Variants in HEMK2 observed in about 807,000 individuals in gnomAD.
The protein encoded by HEMK2 is HemK methyltransferase 2, ETF1 glutamine and histone H4 lysine, also known as methyltransferase HEMK2.
the HEMK2 span, among the ~76,000 whole-genome samples, chr21:28,590,266 A>C: frequency 2.3e-4 from 35 of 152,222 alleles, no homozygotes; most frequent in Admixed American, 2.2e-3. Flanking sequence ...CACAAAGTCA[A>C]GCTGTTGAAG....
At chr21:28,801,675 A>C in the HEMK2 span, among the ~76,000 whole-genome samples, 2 of 152,186 alleles carry the variant, frequency 1.3e-5, no homozygotes, top group African/African-American at 4.8e-5. Context: ...AAAGGATATA[A>C]ACAGACAGCT....
the HEMK2 span, among the ~76,000 whole-genome samples, chr21:28,666,656 T>C: frequency 0.017 from 2,604 of 152,220 alleles, 75 homozygotes; most frequent in African/African-American, 0.058. Context: ...TCCTATAGAT[T>C]TGTAATATAT....
the HEMK2 span, among the ~76,000 whole-genome samples, chr21:28,626,363 TTAAC>T: frequency 2.6e-5 from 4 of 152,118 alleles, no homozygotes; most frequent in Admixed American, 6.5e-5. Flanking sequence ...AAAAAGAAGT[TTAAC>T]TAAGAAGTCA....
the HEMK2 span, among the ~76,000 whole-genome samples, chr21:28,700,647 G>C: frequency 5.0e-3 from 759 of 152,162 alleles, 6 homozygotes; most frequent in African/African-American, 0.017. Context: ...AATTGAATCC[G>C]TAATAAAAAG....
At chr21:28,742,044 G>A in the HEMK2 span, among the ~76,000 whole-genome samples, 4 of 152,274 alleles carry the variant, frequency 2.6e-5, no homozygotes, top group Admixed American at 1.3e-4. Context: ...GCAAACTATC[G>A]CTCAGGACCA....
At chr21:28,636,382 T>A in the HEMK2 span, among the ~76,000 whole-genome samples, 1 of 152,154 alleles carries the variant, frequency 6.6e-6, no homozygotes. Context: ...ACTGCTTTAT[T>A]GTTGTCTGAG....
At chr21:28,728,406 G>A in the HEMK2 span, among the ~76,000 whole-genome samples, 46 of 152,168 alleles carry the variant, frequency 3.0e-4, 1 homozygote, top group Non-Finnish European at 5.4e-4. Context: ...AGAAATCATG[G>A]GGCCTCCCTA....
At chr21:28,578,101 A>G in the HEMK2 span, among the ~76,000 whole-genome samples, 1 of 152,154 alleles carries the variant, frequency 6.6e-6, no homozygotes, top group Non-Finnish European at 1.5e-5. Flanking sequence ...TCTCTAAACA[A>G]TCACTGTTTT....
At chr21:28,647,187 C>G in the HEMK2 span, among the ~76,000 whole-genome samples, 1 of 151,600 alleles carries the variant, frequency 6.6e-6, no homozygotes, top group South Asian at 2.1e-4. Flanking sequence ...AAAGGTGGTA[C>G]AGAAAGTAGC....
chr21:28,872,367 C>T, the HEMK2 span: 12 of 152,146 alleles, frequency 7.9e-5, no homozygotes, highest in Non-Finnish European at 1.5e-5. Context: ...CATGTGTGGG[C>T]GCTTAGTCTG....
chr21:28,644,191 G>T, the HEMK2 span, among the ~76,000 whole-genome samples: 1 of 152,194 alleles, frequency 6.6e-6, no homozygotes, highest in African/African-American at 2.4e-5. Flanking sequence ...ATGGTGGAAG[G>T]CGAAGGGGAA....
At chr21:28,674,233 G>A in the HEMK2 span, among the ~76,000 whole-genome samples, 1 of 152,150 alleles carries the variant, frequency 6.6e-6, no homozygotes. Context: ...AAAAGGGGAG[G>A]CATGAATAAT....
the HEMK2 span, among the ~76,000 whole-genome samples, chr21:28,782,477 T>C: frequency 1.3e-5 from 2 of 152,344 alleles, no homozygotes; most frequent in African/African-American, 4.8e-5. Context: ...TAACTATAAA[T>C]GCATTACTTT....
chr21:28,658,013 T>C, the HEMK2 span, among the ~76,000 whole-genome samples: 1 of 152,064 alleles, frequency 6.6e-6, no homozygotes, highest in African/African-American at 2.4e-5. Flanking sequence ...TTCTGTGAAT[T>C]AAGACAAGCC....
chr21:28,580,371 G>A, the HEMK2 span, among the ~76,000 whole-genome samples: 1 of 152,108 alleles, frequency 6.6e-6, no homozygotes, highest in South Asian at 2.1e-4. Context: ...GTTTGGAAAA[G>A]GAATGCAGCC....
chr21:28,627,013 T>C, the HEMK2 span, among the ~76,000 whole-genome samples: 5 of 152,202 alleles, frequency 3.3e-5, no homozygotes, highest in African/African-American at 1.2e-4. Flanking sequence ...TGAATGAATA[T>C]GCCAATTGTG....
the HEMK2 span, among the ~76,000 whole-genome samples, chr21:28,809,162 G>C: frequency 3.3e-3 from 505 of 152,258 alleles, 2 homozygotes; most frequent in African/African-American, 0.012. Flanking sequence ...AAAACTTTTG[G>C]AGATCAAGAT....
chr21:28,668,363 C>G, the HEMK2 span, among the ~76,000 whole-genome samples: 18 of 152,146 alleles, frequency 1.2e-4, no homozygotes, highest in African/African-American at 4.1e-4. Flanking sequence ...TGTGAGGTAG[C>G]CATGGTGACT....
At chr21:28,607,547 C>G in the HEMK2 span, among the ~76,000 whole-genome samples, 1 of 152,198 alleles carries the variant, frequency 6.6e-6, no homozygotes, top group Admixed American at 6.5e-5. Flanking sequence ...TATGTTCACC[C>G]AATCCATGCA....
Sources: gnomAD v4.1 joint callset for allele counts (sites outside exome capture counted in the v4.1 genomes callset) on GRCh38, gnomAD v4.1.1 for gene constraint, MANE v1.5 for transcripts, NCBI Gene and HGNC (gene_info 2026-07-23, HGNC 2026-07-21) for gene names.